Variants in WDR72 observed in about 807,000 individuals in gnomAD.
WDR72 encodes the protein WD repeat domain 72.
WDR72 carries 120 observed loss-of-function variants against 124.2 expected under a neutral mutation model. The ratio of observed to expected loss-of-function variants is 0.97; its 90% CI spans 0.83 to 1.12. WDR72 has a LOEUF of 1.12. Among genes scored for constraint, WDR72 ranks in the 50% most tolerant of loss-of-function variants. WDR72 has a pLI of 0.00. For synonymous variants in WDR72, 452 were observed against 441.7 expected (o/e 1.02, Z -0.29); for missense variants, 1,387 against 1,278.8 (o/e 1.08, Z -1.29).
chr15:53,548,365 G>C (rs750577755), intron 18 of WDR72, among the ~76,000 whole-genome samples: 2 of 152,170 alleles, frequency 1.3e-5, no homozygotes, highest in Non-Finnish European at 2.9e-5. Flanking sequence ...GGGAGGGCTC[G>C]GGCTCTCAGA....
At chr15:53,658,736 T>A (rs921884760) in intron 14 of WDR72, among the ~76,000 whole-genome samples, 4 of 152,240 alleles carry the variant, frequency 2.6e-5, no homozygotes, top group African/African-American at 7.2e-5. Flanking sequence ...TGACTAAACA[T>A]GAGCCAGGGT....
intron 4 of WDR72, 80 bp from the exon 5 acceptor site, chr15:53,715,447 A>C (rs1218205963): frequency 1.3e-6 from 2 of 1,547,048 alleles, no homozygotes; most frequent in East Asian, 2.3e-5. Context: ...ATTTCTCTAG[A>C]CTTTAGTTTT....
chr15:53,570,893 G>A (rs1346978731), intron 18 of WDR72, among the ~76,000 whole-genome samples: 3 of 152,102 alleles, frequency 2.0e-5, no homozygotes, highest in African/African-American at 4.8e-5. Context: ...GGAATACTAT[G>A]CAACCATAAA....
intron 8 of WDR72, 53 bp from the exon 9 acceptor site, chr15:53,711,006 T>A (rs954399110): frequency 6.8e-7 from 1 of 1,468,698 alleles, no homozygotes; most frequent in Non-Finnish European, 9.4e-7. Flanking sequence ...TCTTTATTCG[T>A]TTTTTTTCCC....
At chr15:53,605,941 C>T (rs2013263171) in intron 17 of WDR72, among the ~76,000 whole-genome samples, 1 of 152,164 alleles carries the variant, frequency 6.6e-6, no homozygotes. Context: ...ATACTCATTT[C>T]CATTTTACAA....
chr15:53,668,448 G>A (rs1453999531), intron 13 of WDR72, among the ~76,000 whole-genome samples: 1 of 152,186 alleles, frequency 6.6e-6, no homozygotes, highest in African/African-American at 2.4e-5. Flanking sequence ...ATTCCCACAT[G>A]TGCTAGTTAT....
chr15:53,752,495 G>A (rs968493977), intron 1 of WDR72, among the ~76,000 whole-genome samples: 1 of 152,132 alleles, frequency 6.6e-6, no homozygotes, highest in African/African-American at 2.4e-5. Flanking sequence ...TGCAGGCCAA[G>A]GAACACCAAA....
chr15:53,611,497 A>AAAC (rs537782022), intron 16 of WDR72, among the ~76,000 whole-genome samples: 13 of 152,046 alleles, frequency 8.6e-5, no homozygotes, highest in Admixed American at 2.6e-4. Flanking sequence ...ACAAACAAAC[A>AAAC]AACAACAACA....
At chr15:53,762,744 G>C (rs1334022878), upstream of WDR72, 2 of 152,206 alleles carry the variant, frequency 1.3e-5, no homozygotes, top group African/African-American at 2.4e-5. Flanking sequence ...GCTGTAGCTA[G>C]CTTAGTGGTC....
At chr15:53,667,738 G>T (rs1277980895) in intron 13 of WDR72, among the ~76,000 whole-genome samples, 1 of 151,996 alleles carries the variant, frequency 6.6e-6, no homozygotes, top group Non-Finnish European at 1.5e-5. Context: ...CTATGATATT[G>T]TTTACATATT....
chr15:53,537,748 C>A (rs1892837437), intron 18 of WDR72, among the ~76,000 whole-genome samples: 1 of 152,026 alleles, frequency 6.6e-6, no homozygotes, highest in African/African-American at 2.4e-5. Flanking sequence ...AATAAGATGT[C>A]CAGCCTTAAG....
intron 18 of WDR72, among the ~76,000 whole-genome samples, chr15:53,585,613 C>T (rs573403314): frequency 3.9e-5 from 6 of 152,124 alleles, no homozygotes; most frequent in East Asian, 1.9e-4. Flanking sequence ...AGCAGACTCA[C>T]TTATCAAAGC....
chr15:53,555,127 A>C (rs1473919119), intron 18 of WDR72, among the ~76,000 whole-genome samples: 2 of 152,060 alleles, frequency 1.3e-5, no homozygotes, highest in African/African-American at 4.8e-5. Flanking sequence ...GGAGAAGCAA[A>C]GAATAGCAGG....
chr15:53,664,310 T>C (rs535947644), intron 14 of WDR72, among the ~76,000 whole-genome samples: 2 of 152,220 alleles, frequency 1.3e-5, no homozygotes, highest in Non-Finnish European at 2.9e-5. Flanking sequence ...ATTGTCATTC[T>C]AGTTTATATA....
In WDR72 at chr15:53,566,296, A is replaced by G. The variant is rs572065914; in HGVS notation, c.3148+30783T>C. ...CAAGTATTACTATTAGCTCAGAGCA[A>G]GTGGTTTTAGCCACTACAATACCAT... On this transcript the variant is annotated intron_variant, in intron 18 of 19. Transcript: ENST00000360509. Among the ~76,000 whole-genome samples, 28 of 152,126 alleles carry G rather than the reference A, an allele frequency of 1.8e-4. No individual in the cohort carries two copies. The South Asian group carries it at 5.8e-3, about 32-fold the overall frequency.
intron 18 of WDR72, among the ~76,000 whole-genome samples, chr15:53,590,039 T>G (rs1005148519): frequency 1.3e-5 from 2 of 152,058 alleles, no homozygotes; most frequent in Non-Finnish European, 2.9e-5. Flanking sequence ...ATGACTACAA[T>G]GCTTTTTGAA....
At chr15:53,705,770 T>G (rs577877265) in intron 10 of WDR72, among the ~76,000 whole-genome samples, 157 bp downstream of exon 10, 1 of 152,332 alleles carries the variant, frequency 6.6e-6, no homozygotes, top group East Asian at 1.9e-4. Context: ...GCCTAAGCTT[T>G]GTGTTTATAC....
chr15:53,715,347 C>T lies in WDR72; in HGVS notation c.360G>A (p.Arg120=). 6.2e-7 allele frequency: 1 copy of T among 1,614,130 alleles called. No individual in the cohort carries two copies. Among genetic ancestry groups the T allele is most frequent in the Non-Finnish European group, 8.5e-7 (1 of 1,180,012 alleles). The change falls in exon 5 of 20, where the codon CGG becomes CGA. Residue 120 remains arginine, a synonymous_variant. Coordinates refer to ENST00000360509, the MANE Select transcript of WDR72 (RefSeq NM_182758.4). ...AAAGAAGCCAGCCTTCTCCTGTCAT[C>T]CGGAATGAGCAGTGGTAATACTACG... The part of the protein sequence containing the change: ...TAICYYHCSF[R]MTGEGWLLCC...
chr15:53,739,635 T>C lies in WDR72; in HGVS notation c.-12-6474A>G, dbSNP rs1008412589. On this transcript the variant is annotated intron_variant, in intron 1 of 19. Coordinates refer to ENST00000360509, the MANE Select transcript of WDR72 (RefSeq NM_182758.4). ...AAGCAGGTAGTGAGAAGGACACACA[T>C]GGGCGTGTTTTAACATTCTGCTCCT... Among the ~76,000 whole-genome samples, 23 of 152,322 alleles carry C rather than the reference T, an allele frequency of 1.5e-4. No homozygotes were observed. In the South Asian group the frequency reaches 2.3e-3, roughly 15 times the overall value.
Sources: allele counts gnomAD v4.1 joint callset (sites outside exome capture counted in the v4.1 genomes callset), GRCh38; gene constraint gnomAD v4.1.1; transcripts MANE v1.5; gene names NCBI Gene and HGNC (gene_info 2026-07-23, HGNC 2026-07-21).